The following CNTN3 variants were observed in gnomAD, a reference collection of about 807,000 sequenced individuals.
CNTN3 encodes contactin-3.
Under a neutral mutation model 119.1 loss-of-function variants are expected in CNTN3, and 60 were observed. The ratio of observed to expected loss-of-function variants is 0.50; its 90% CI spans 0.41 to 0.62. The LOEUF (loss-of-function observed/expected upper bound fraction) is 0.62, where lower values mean the gene tolerates loss of function less well. CNTN3 is among the 20% of genes least tolerant of loss of function. The probability of loss-of-function intolerance (pLI) is 0.00; values close to 1 mark genes in which losing one functional copy is unlikely to be tolerated. For synonymous variants in CNTN3, 450 were observed against 438.7 expected, an observed-to-expected ratio of 1.03 and a Z score of -0.32; for missense variants, 1,101 against 1,242.4, an observed-to-expected ratio of 0.89 and a Z score of 1.71.
rs189818582 is a variant in CNTN3 at position 74,318,802 on chromosome 3, C to T, written c.1668+15933G>A. Among the ~76,000 whole-genome samples, 223 of 152,220 alleles carry T rather than the reference C, an allele frequency of 1.5e-3. 1 individual carries two copies. The highest frequency in any genetic ancestry group is 2.0e-3 in the Non-Finnish European group (139 of 68,026). ...CCTCCCAGTTAGGCTGCTCGGGGGTCAAGGACTCACTTGAGGAGGCAATCT... is the reference window on the plus strand; with the variant it reads ...CCTCCCAGTTAGGCTGCTCGGGGGTTAAGGACTCACTTGAGGAGGCAATCT... On this transcript the variant is annotated intron_variant, in intron 13 of 22. Coordinates refer to ENST00000263665, the MANE Select transcript of CNTN3 (RefSeq NM_020872.3).
rs534195631 is a variant in CNTN3, at chr3:74,444,307, C to T, written c.359-19367G>A. ...TGGGGGGGTTGGGGGCACAATTCAACTCATAACAAGTGGTGAATAATATTA... is the reference window on the plus strand; with the variant it reads ...TGGGGGGGTTGGGGGCACAATTCAATTCATAACAAGTGGTGAATAATATTA... On this transcript the variant is annotated intron_variant, in intron 4 of 22. Transcript: ENST00000263665. 3.9e-5 allele frequency among the ~76,000 whole-genome samples: 6 copies of T among 152,024 alleles called. No individual in the cohort carries two copies. In the South Asian group the frequency reaches 1.2e-3, roughly 32 times the overall value.
intron 5 of CNTN3, among the ~76,000 whole-genome samples, chr3:74,421,060 C>T (rs968551274): frequency 6.6e-6 from 1 of 152,114 alleles, no homozygotes; most frequent in Non-Finnish European, 1.5e-5. Flanking sequence ...ATACTTTTAC[C>T]CAAAAAGAAT....
At chr3:74,527,040 ATTTC>A (rs1019853515) in intron 1 of CNTN3, among the ~76,000 whole-genome samples, 4 of 151,898 alleles carry the variant, frequency 2.6e-5, no homozygotes, top group African/African-American at 9.7e-5. Context: ...CTGAAAAATA[ATTTC>A]TTTTACATAG....
At chr3:74,555,229 A>T (rs1019329120) in intron 1 of CNTN3, among the ~76,000 whole-genome samples, 5 of 152,182 alleles carry the variant, frequency 3.3e-5, no homozygotes, top group Middle Eastern at 3.2e-3. Flanking sequence ...TGATTTGTGT[A>T]TGTTGAACCA....
rs1160112467 is a variant in CNTN3 at position 74,301,554 on chromosome 3, A to T, written c.1946-7T>A. On this transcript the variant is annotated splice_polypyrimidine_tract_variant and splice_region_variant and intron_variant, in intron 15 of 22. Coordinates refer to ENST00000263665, the MANE Select transcript of CNTN3 (RefSeq NM_020872.3). The stretch of plus-strand genomic sequence containing the variant: ...CCATCGATGACCTCAGGCACTACAA[A>T]GGAATATTTCAGAGGTAAGAGTCTG... 6.2e-7 allele frequency: 1 copy of T among 1,613,568 alleles called. No homozygotes were observed. The highest frequency in any genetic ancestry group is 1.3e-5 in the African/African-American group (1 of 74,918).
At chr3:74,553,670 A>C (rs1704026904) in intron 1 of CNTN3, among the ~76,000 whole-genome samples, 1 of 151,602 alleles carries the variant, frequency 6.6e-6, no homozygotes, top group South Asian at 2.1e-4. Context: ...TTTGATTTGC[A>C]TTTCTCCATT....
In CNTN3 at chr3:74,401,091, T is replaced by C. The variant is rs192695188; in HGVS notation, c.454+23754A>G. Among the ~76,000 whole-genome samples, 214 of 152,262 alleles carry C rather than the reference T, an allele frequency of 1.4e-3. 1 individual carries two copies. The highest frequency in any genetic ancestry group is 4.9e-3 in the African/African-American group (202 of 41,558). Reference sequence around the variant, plus strand: ...CAAGAGGGATAAACTCGTGGCCTTGTAATGGAGAAATGCTTCTCAACTGAC... The same window carrying C: ...CAAGAGGGATAAACTCGTGGCCTTGCAATGGAGAAATGCTTCTCAACTGAC... On this transcript the variant is annotated intron_variant, in intron 5 of 22. Coordinates refer to ENST00000263665, the MANE Select transcript of CNTN3 (RefSeq NM_020872.3).
At chr3:74,287,548 C>T (rs1702139041) in intron 19 of CNTN3, among the ~76,000 whole-genome samples, 1 of 152,126 alleles carries the variant, frequency 6.6e-6, no homozygotes, top group African/African-American at 2.4e-5. Context: ...AGCAGTTAGA[C>T]CAGACACATT....
At chr3:74,455,892 G>A (rs1341701804) in intron 4 of CNTN3, among the ~76,000 whole-genome samples, 4 of 152,072 alleles carry the variant, frequency 2.6e-5, no homozygotes, top group Admixed American at 6.6e-5. Flanking sequence ...ACAAGTCTGA[G>A]ATGGGGCCTG....
intron 12 of CNTN3, among the ~76,000 whole-genome samples, chr3:74,336,078 A>G (rs1410857552): frequency 1.3e-5 from 2 of 152,148 alleles, no homozygotes; most frequent in African/African-American, 2.4e-5. Context: ...AGCAACTGGC[A>G]CAGAGTAGGT....
chr3:74,598,223 G>A (rs1421755643), intron 1 of CNTN3, among the ~76,000 whole-genome samples: 1 of 151,934 alleles, frequency 6.6e-6, no homozygotes, highest in African/African-American at 2.4e-5. Flanking sequence ...CCCTCTCTTG[G>A]AATATAAGAG....
At chr3:74,325,392 T>C (rs545077639) in intron 13 of CNTN3, among the ~76,000 whole-genome samples, 1 of 152,272 alleles carries the variant, frequency 6.6e-6, no homozygotes, top group Non-Finnish European at 1.5e-5. Flanking sequence ...ATTCCCAATC[T>C]TTCCTCAGTA....
At chr3:74,469,514 A>G (rs1702521885) in intron 4 of CNTN3, among the ~76,000 whole-genome samples, 1 of 152,204 alleles carries the variant, frequency 6.6e-6, no homozygotes, top group Admixed American at 6.5e-5. Flanking sequence ...AAAAAGACAA[A>G]TAACCCAATT....
At chr3:74,509,295 G>A (rs1703320421) in intron 2 of CNTN3, among the ~76,000 whole-genome samples, 1 of 149,112 alleles carries the variant, frequency 6.7e-6, no homozygotes, top group Non-Finnish European at 1.5e-5. Context: ...GAATAAAAAA[G>A]TGGTGCTCCT....
intron 19 of CNTN3, among the ~76,000 whole-genome samples, chr3:74,288,299 T>C (rs1158420469): frequency 6.6e-6 from 1 of 151,584 alleles, no homozygotes; most frequent in Non-Finnish European, 1.5e-5. Context: ...GCAGGGATTA[T>C]AGGTGCCTGC....
intron 1 of CNTN3, among the ~76,000 whole-genome samples, chr3:74,603,662 G>A (rs1704947366): frequency 6.6e-6 from 1 of 151,976 alleles, no homozygotes; most frequent in Admixed American, 6.6e-5. Flanking sequence ...AGTTTGAAAT[G>A]GAAGAAGATA....
At chr3:74,281,697 G>A (rs982239581) in intron 20 of CNTN3, among the ~76,000 whole-genome samples, 4 of 152,206 alleles carry the variant, frequency 2.6e-5, no homozygotes, top group South Asian at 2.1e-4. Flanking sequence ...TGGATCTAGC[G>A]TAGGGTATGA....
intron 5 of CNTN3, among the ~76,000 whole-genome samples, chr3:74,379,924 G>A (rs1704573934): frequency 6.6e-6 from 1 of 152,192 alleles, no homozygotes; most frequent in Non-Finnish European, 1.5e-5. Flanking sequence ...GCGACATAGT[G>A]AGAGCTGGAT....
At chr3:74,462,550 G>A (rs11929595) in intron 4 of CNTN3, among the ~76,000 whole-genome samples, 106,947 of 151,450 alleles carry the variant, frequency 0.71, 38,077 homozygotes, top group African/African-American at 0.79. Flanking sequence ...AATTAGATTG[G>A]ATATCAGCCA....
Sources: allele counts gnomAD v4.1 joint callset (sites outside exome capture counted in the v4.1 genomes callset), GRCh38; gene constraint gnomAD v4.1.1; transcripts MANE v1.5; gene names NCBI Gene and HGNC (gene_info 2026-07-23, HGNC 2026-07-21).